The following USP9Y variants were observed in gnomAD, a reference collection of about 807,000 sequenced individuals.
USP9Y encodes ubiquitin carboxyl-terminal hydrolase 9Y.
USP9Y carries 41 observed loss-of-function variants against 53.1 expected under a neutral mutation model. The observed-to-expected ratio is 0.77, with a 90% CI of 0.60 to 1.00. USP9Y has a LOEUF of 1.00. Ranked by LOEUF, USP9Y falls within the 50% of genes least tolerant of loss-of-function variation. The pLI, the probability that USP9Y is intolerant of heterozygous loss-of-function variation, is 0.00. For synonymous variants in USP9Y, 220 were observed against 173.7 expected (o/e 1.27, Z -2.09); for missense variants, 567 against 535.8 (o/e 1.06, Z -0.58).
intron 12 of USP9Y, among the ~76,000 whole-genome samples, chrY:12,746,851 G>A: frequency 3.5e-5 from 1 of 28,651 alleles, no homozygotes. Context: ...CTTCTGCCTC[G>A]GCCTCCCGAG....
chrY:12,812,119 G>A (rs2053531616), intron 30 of USP9Y, among the ~76,000 whole-genome samples: 1 of 33,331 alleles, frequency 3.0e-5, no homozygotes, highest in South Asian at 6.7e-4. Flanking sequence ...TTTAAGGTAA[G>A]TTCTGAATTT....
intron 1 of USP9Y, among the ~76,000 whole-genome samples, chrY:12,702,797 T>A: frequency 3.0e-5 from 1 of 33,491 alleles, no homozygotes; most frequent in African/African-American, 1.2e-4. Flanking sequence ...AATTTTTGTT[T>A]TTAGTATAAG....
chrY:12,718,452 G>A (rs2148279858), intron 3 of USP9Y, among the ~76,000 whole-genome samples: 1 of 33,813 alleles, frequency 3.0e-5, no homozygotes, highest in Non-Finnish European at 7.3e-5. Context: ...GCTACAGACA[G>A]TAAACGTCAC....
At chrY:12,858,266 G>C in intron 45 of USP9Y, among the ~76,000 whole-genome samples, 2 of 32,840 alleles carry the variant, frequency 6.1e-5, no homozygotes, top group Non-Finnish European at 1.5e-4. Context: ...TGCACTGATT[G>C]AGAACAGCAA....
chrY:12,707,941 T>C (rs2053420902), intron 1 of USP9Y, among the ~76,000 whole-genome samples: 1 of 31,581 alleles, frequency 3.2e-5, no homozygotes, highest in Non-Finnish European at 7.6e-5. Context: ...GGTTTTACCA[T>C]GTTACCCAAG....
At chrY:12,853,900 CTG>C (rs2053573449) in intron 42 of USP9Y, among the ~76,000 whole-genome samples, 1 of 33,016 alleles carries the variant, frequency 3.0e-5, no homozygotes, top group Non-Finnish European at 7.4e-5. Flanking sequence ...TTTTTCAGAA[CTG>C]AGATTATGCT....
At position 12,857,630 on chromosome Y, in the gene USP9Y, A is replaced by G; in HGVS notation, c.7499A>G (p.Tyr2500Cys). The G allele has an allele frequency of 2.6e-6, 1 of 384,630 alleles. No homozygotes were observed. The highest frequency in any genetic ancestry group is 3.2e-5 in the South Asian group (1 of 31,478). ...EPSPSEDAPL[Y>C]PHSPASQYQQ... ...TCTCCATCAGAAGATGCCCCATTAT[A>G]TCCTCATTCACCTGCCTCTCAGTAT... Residue 2500 changes from tyrosine to cysteine, a missense_variant, in exon 45 of 46, where the codon TAT becomes TGT. By Grantham distance (194) the Tyr-to-Cys change is radical. Transcript: ENST00000338981.
At chrY:12,777,956 C>T in intron 19 of USP9Y, 63 bp from the exon 20 acceptor site, 1 of 284,087 alleles carries the variant, frequency 3.5e-6, no homozygotes, top group South Asian at 4.0e-5. Context: ...TAGCAGTCTG[C>T]TGAATATCAT....
At chrY:12,824,768 G>A (rs2053544680) in intron 33 of USP9Y, among the ~76,000 whole-genome samples, 1 of 33,654 alleles carries the variant, frequency 3.0e-5, no homozygotes, top group South Asian at 6.7e-4. Context: ...GATAATAACA[G>A]CCAGGATTGT....
intron 12 of USP9Y, among the ~76,000 whole-genome samples, chrY:12,751,393 A>G (rs2053464225): frequency 2.1e-4 from 7 of 33,313 alleles, no homozygotes; most frequent in Non-Finnish European, 4.4e-4. Flanking sequence ...CATTATCCTA[A>G]TGACTAATGA....
At chrY:12,718,153 C>A in intron 3 of USP9Y, among the ~76,000 whole-genome samples, 2 of 34,138 alleles carry the variant, frequency 5.9e-5, no homozygotes, top group African/African-American at 2.3e-4. Context: ...CCTGCATCTG[C>A]AGTGGATTTT....
At chrY:12,739,879 A>C in intron 12 of USP9Y, among the ~76,000 whole-genome samples, 1 of 33,775 alleles carries the variant, frequency 3.0e-5, no homozygotes, top group Non-Finnish European at 7.4e-5. Flanking sequence ...TATTTCTTTG[A>C]ATTCATTTCC....
intron 24 of USP9Y, among the ~76,000 whole-genome samples, chrY:12,789,968 A>G: frequency 3.0e-5 from 1 of 33,405 alleles, no homozygotes; most frequent in African/African-American, 1.2e-4. Flanking sequence ...TTCATCTCAA[A>G]TTGGAGTTTC....
Position 12,701,397 on chromosome Y carries a change from A to T in USP9Y, c.-779A>T, listed in dbSNP as rs539006968. 6 of 34,306 alleles carry T rather than the reference A, an allele frequency of 1.7e-4. No homozygotes were observed. Among genetic ancestry groups the T allele is most frequent in the African/African-American group, 6.8e-4 (6 of 8,793 alleles). The allele number at this position is 34,306 out of a possible 400,897, so 8.6% of individuals were successfully genotyped here. On this transcript the variant is annotated 5_prime_UTR_variant, in exon 1 of 46. Coordinates refer to ENST00000338981, the MANE Select transcript of USP9Y (RefSeq NM_004654.4). ...CATTTCTGACTGACTGAGAGAGTGT[A>T]GTGATTAACAGAGTTGTGATGTTAG...
intron 12 of USP9Y, among the ~76,000 whole-genome samples, chrY:12,746,411 G>A: frequency 3.0e-5 from 1 of 33,846 alleles, no homozygotes; most frequent in Non-Finnish European, 7.4e-5. Flanking sequence ...TTTTGCTAAA[G>A]AGCAGATTGG....
chrY:12,816,491 T>C, intron 32 of USP9Y, 147 bp downstream of exon 32: 1 of 165,925 alleles, frequency 6.0e-6, no homozygotes, highest in East Asian at 1.1e-4. Flanking sequence ...GGCATACTTG[T>C]AGTACTCACT....
At chrY:12,758,763 T>C in intron 14 of USP9Y, 121 bp downstream of exon 14, 2 of 145,758 alleles carry the variant, frequency 1.4e-5, no homozygotes, top group Non-Finnish European at 2.5e-5. Context: ...TTTCTAAGAG[T>C]TTGTTTACAA....
intron 33 of USP9Y, among the ~76,000 whole-genome samples, chrY:12,826,094 G>A: frequency 6.5e-5 from 2 of 30,940 alleles, no homozygotes; most frequent in African/African-American, 1.3e-4. Context: ...CTGCCACCAC[G>A]CCCAGCTAAT....
At chrY:12,790,627 A>G in intron 25 of USP9Y, 95 bp downstream of exon 25, 4 of 251,946 alleles carry the variant, frequency 1.6e-5, no homozygotes, top group South Asian at 1.4e-4. Flanking sequence ...TAAATATTGT[A>G]GACCCAAAAC....
Sources: allele counts gnomAD v4.1 joint callset (sites outside exome capture counted in the v4.1 genomes callset), GRCh38; gene constraint gnomAD v4.1.1; transcripts MANE v1.5; gene names NCBI Gene and HGNC (gene_info 2026-07-23, HGNC 2026-07-21).